PDGFD: variants seen among roughly 807,000 people sequenced by gnomAD.
The protein encoded by PDGFD is platelet derived growth factor D.
A neutral mutation model predicts 44.7 loss-of-function variants in PDGFD; 30 were observed. That is an observed-to-expected ratio of 0.67 (90% CI 0.50 to 0.91). PDGFD has a LOEUF of 0.91. Among genes scored for constraint, PDGFD ranks in the 40% least tolerant of loss-of-function variants. The pLI, the probability that PDGFD is intolerant of heterozygous loss-of-function variation, is 0.00. For missense variants in PDGFD, 445 were observed against 457.8 expected, an observed-to-expected ratio of 0.97 and a Z score of 0.25; for synonymous variants, 173 against 168.4, an observed-to-expected ratio of 1.03 and a Z score of -0.21.
At chr11:104,151,199 A>G (rs1862240808) in intron 1 of PDGFD, among the ~76,000 whole-genome samples, 1 of 150,774 alleles carries the variant, frequency 6.6e-6, no homozygotes, top group South Asian at 2.1e-4. Flanking sequence ...CTTCTTTCTT[A>G]TCTTTAGGAA....
At chr11:104,020,217 T>C (rs1859928942) in intron 1 of PDGFD, among the ~76,000 whole-genome samples, 2 of 152,166 alleles carry the variant, frequency 1.3e-5, no homozygotes, top group South Asian at 4.1e-4. Flanking sequence ...GTATTTTAAA[T>C]TTGGACTTCC....
chr11:103,970,049 T>G (rs1859080736), intron 3 of PDGFD, among the ~76,000 whole-genome samples: 1 of 152,076 alleles, frequency 6.6e-6, no homozygotes, highest in African/African-American at 2.4e-5. Context: ...GTTAAATTAT[T>G]TACCTGGCAA....
At chr11:103,933,659 C>G (rs900604526) in intron 5 of PDGFD, among the ~76,000 whole-genome samples, 1 of 152,206 alleles carries the variant, frequency 6.6e-6, no homozygotes, top group East Asian at 1.9e-4. Context: ...TGAGCAACTA[C>G]TATGTATCCA....
intron 2 of PDGFD, among the ~76,000 whole-genome samples, chr11:103,996,909 A>AGTTCACCTCTGGCATTGGTCG (rs1384195129): frequency 6.6e-6 from 1 of 152,212 alleles, no homozygotes; most frequent in African/African-American, 2.4e-5. Flanking sequence ...AATGAGCTTA[A>AGTTCACCTCTGGCATTGGTCG]GACCATAAGT....
chr11:104,019,917 C>T (rs569345791), intron 1 of PDGFD, among the ~76,000 whole-genome samples: 1 of 151,986 alleles, frequency 6.6e-6, no homozygotes, highest in Non-Finnish European at 1.5e-5. Flanking sequence ...CCTTCATCTA[C>T]AAAATAGTGA....
chr11:103,964,159 A>G (rs1317627031), intron 3 of PDGFD, among the ~76,000 whole-genome samples: 1 of 151,968 alleles, frequency 6.6e-6, no homozygotes, highest in Non-Finnish European at 1.5e-5. Flanking sequence ...GTCACATTTG[A>G]CCAGAAGCTT....
At chr11:104,104,142 T>A (rs1861437717) in intron 1 of PDGFD, among the ~76,000 whole-genome samples, 1 of 152,034 alleles carries the variant, frequency 6.6e-6, no homozygotes, top group Non-Finnish European at 1.5e-5. Flanking sequence ...AAAATAGAAA[T>A]AAAGCATATA....
At chr11:104,085,513 C>T (rs150521585) in intron 1 of PDGFD, among the ~76,000 whole-genome samples, 2 of 152,184 alleles carry the variant, frequency 1.3e-5, no homozygotes, top group Non-Finnish European at 2.9e-5. Context: ...GACTCCAAGT[C>T]GCTTCTGTTT....
At chr11:103,980,151 T>C (rs1002383284) in intron 3 of PDGFD, among the ~76,000 whole-genome samples, 1 of 152,120 alleles carries the variant, frequency 6.6e-6, no homozygotes, top group Non-Finnish European at 1.5e-5. Context: ...GAGATTAAAA[T>C]AGTAGGGGTT....
chr11:103,942,718 C>T (rs1748250658), intron 5 of PDGFD, among the ~76,000 whole-genome samples: 1 of 152,096 alleles, frequency 6.6e-6, no homozygotes, highest in Admixed American at 6.6e-5. Flanking sequence ...TTCTCTCCTG[C>T]CAACACTGAC....
At chr11:104,094,022 CACTCT>C (rs1391286986) in intron 1 of PDGFD, among the ~76,000 whole-genome samples, 1 of 151,738 alleles carries the variant, frequency 6.6e-6, no homozygotes, top group African/African-American at 2.4e-5. Flanking sequence ...TTCTTCACCT[CACTCT>C]ACTCTTGCTT....
intron 1 of PDGFD, among the ~76,000 whole-genome samples, chr11:104,131,838 G>A (rs1192836625): frequency 6.8e-6 from 1 of 147,410 alleles, no homozygotes; most frequent in Non-Finnish European, 1.5e-5. Context: ...GGGGATGCTT[G>A]GTGATCTATC....
At chr11:104,119,497 T>C (rs1235018668) in intron 1 of PDGFD, among the ~76,000 whole-genome samples, 1 of 75,064 alleles carries the variant, frequency 1.3e-5, no homozygotes, top group Non-Finnish European at 2.2e-5. Flanking sequence ...AATATATTGA[T>C]ATAATATATA....
At chr11:104,028,908 G>A (rs914315304) in intron 1 of PDGFD, among the ~76,000 whole-genome samples, 21 of 151,954 alleles carry the variant, frequency 1.4e-4, no homozygotes, top group Non-Finnish European at 2.9e-4. Flanking sequence ...TTTCTCTTCA[G>A]CATCATAAAT....
In PDGFD at chr11:103,909,393, CA is replaced by C. The variant is rs60621493; in HGVS notation, c.*300del. ...CTCTGGTGTACCTGGTTATATATAC[CA>C]AAAAAAACATTTGATCTATATACAC... On this transcript the variant is annotated 3_prime_UTR_variant, in exon 7 of 7. Coordinates refer to ENST00000393158, the MANE Select transcript of PDGFD (RefSeq NM_025208.5). The C allele has an allele frequency of 5.7e-5, 12 of 210,572 alleles. No homozygotes were observed. The highest frequency in any genetic ancestry group is 1.3e-4 in the South Asian group (1 of 7,946). The allele number at this position is 210,572 out of a possible 1,614,324, so 13.0% of individuals were successfully genotyped here.
chr11:104,160,866 G>A (rs1290440438), intron 1 of PDGFD, among the ~76,000 whole-genome samples: 2 of 152,154 alleles, frequency 1.3e-5, no homozygotes, highest in Non-Finnish European at 2.9e-5. Flanking sequence ...ATAATGGGTA[G>A]AAGCAGACTA....
chr11:103,956,242 G>A (rs923628654), intron 3 of PDGFD, among the ~76,000 whole-genome samples: 16 of 150,378 alleles, frequency 1.1e-4, no homozygotes, highest in Admixed American at 5.3e-4. Context: ...TCCCCAGAGC[G>A]TGATGTTCCC....
intron 1 of PDGFD, among the ~76,000 whole-genome samples, chr11:104,036,377 G>T (rs1223976019): frequency 6.6e-6 from 1 of 152,096 alleles, no homozygotes; most frequent in African/African-American, 2.4e-5. Flanking sequence ...CTACGAGGTC[G>T]AGGCTACAGT....
chr11:104,036,646 G>T, intron 1 of PDGFD: 2 of 613,090 alleles, frequency 3.3e-6, no homozygotes, highest in Non-Finnish European at 5.8e-6. Flanking sequence ...AGGCACTGAG[G>T]CTGGGAGACA....
Sources: gnomAD v4.1 joint callset for allele counts (sites outside exome capture counted in the v4.1 genomes callset) on GRCh38, gnomAD v4.1.1 for gene constraint, MANE v1.5 for transcripts, NCBI Gene and HGNC (gene_info 2026-07-23, HGNC 2026-07-21) for gene names.